GAB2: variants seen among roughly 807,000 people sequenced by gnomAD.
The protein encoded by GAB2 is GRB2-associated-binding protein 2.
GAB2 carries 26 observed loss-of-function variants against 65.5 expected under a neutral mutation model. The observed-to-expected ratio is 0.40, with a 90% CI of 0.29 to 0.55. The LOEUF (loss-of-function observed/expected upper bound fraction) is 0.55, where lower values mean the gene tolerates loss of function less well. GAB2 is among the 20% of genes least tolerant of loss of function. The pLI is 0.53. For synonymous variants in GAB2, 321 were observed against 329.6 expected (o/e 0.97, Z 0.28); for missense variants, 884 against 875.8 (o/e 1.01, Z -0.12).
intron 3 of GAB2, among the ~76,000 whole-genome samples, chr11:78,239,195 C>G (rs981979817): frequency 6.6e-6 from 1 of 151,916 alleles, no homozygotes; most frequent in Non-Finnish European, 1.5e-5. Context: ...GAATAAACAA[C>G]TACATTTTAA....
At chr11:78,271,998 T>C (rs930757566) in intron 2 of GAB2, among the ~76,000 whole-genome samples, 6 of 152,268 alleles carry the variant, frequency 3.9e-5, no homozygotes, top group African/African-American at 1.4e-4. Flanking sequence ...TCTCTTGGCC[T>C]GCTGCCATCC....
intron 3 of GAB2, 115 bp from the exon 4 acceptor site, chr11:78,227,166 C>G (rs928185935): frequency 2.9e-6 from 2 of 678,712 alleles, no homozygotes; most frequent in Non-Finnish European, 5.2e-6. Flanking sequence ...AAAATGGTGA[C>G]TAAAAGCATA....
chr11:78,315,868 G>T lies in GAB2; in HGVS notation c.76-34967C>A, dbSNP rs146596849. 2.2e-3 allele frequency among the ~76,000 whole-genome samples: 331 copies of T among 152,308 alleles called. 1 individual carries two copies. Among genetic ancestry groups the T allele is most frequent in the African/African-American group, 7.4e-3 (306 of 41,568 alleles). ...ACTGTTTCTGGGTTTATCTGTGAAG[G>T]TGCTGCCAGAGGAGGTTGACATTTG... On this transcript the variant is annotated intron_variant, in intron 1 of 9. Coordinates refer to ENST00000361507, the MANE Select transcript of GAB2 (RefSeq NM_080491.3).
intron 1 of GAB2, among the ~76,000 whole-genome samples, chr11:78,295,375 G>A (rs1866797957): frequency 6.6e-6 from 1 of 151,866 alleles, no homozygotes; most frequent in African/African-American, 2.4e-5. Flanking sequence ...GTAACTCAGG[G>A]GTCCTTTACA....
At chr11:78,370,188 C>T (rs1236182880) in intron 1 of GAB2, among the ~76,000 whole-genome samples, 6 of 143,936 alleles carry the variant, frequency 4.2e-5, no homozygotes, top group Admixed American at 7.2e-5. Context: ...ACCCGGGAGG[C>T]GGAGCTTGCA....
At chr11:78,275,369 G>T (rs1055203558) in intron 2 of GAB2, among the ~76,000 whole-genome samples, 4 of 151,970 alleles carry the variant, frequency 2.6e-5, no homozygotes, top group African/African-American at 9.7e-5. Flanking sequence ...AATGAAATAG[G>T]CTACTAAGCA....
chr11:78,333,075 C>A (rs1212720738), intron 1 of GAB2, among the ~76,000 whole-genome samples: 2 of 152,188 alleles, frequency 1.3e-5, no homozygotes, highest in Admixed American at 6.5e-5. Context: ...TGTTTCAGAG[C>A]CTGCCTGGGA....
At chr11:78,300,760 C>T (rs1156891899) in intron 1 of GAB2, among the ~76,000 whole-genome samples, 1 of 141,470 alleles carries the variant, frequency 7.1e-6, no homozygotes, top group Non-Finnish European at 1.5e-5. Flanking sequence ...GGTGGCATGA[C>T]CTCGGCTCAC....
chr11:78,244,858 G>A (rs908948034), intron 3 of GAB2, among the ~76,000 whole-genome samples: 2 of 152,028 alleles, frequency 1.3e-5, no homozygotes, highest in African/African-American at 4.8e-5. Context: ...TAGTACAGTC[G>A]TTATGGAAAA....
intron 1 of GAB2, among the ~76,000 whole-genome samples, chr11:78,294,902 A>C (rs568230001): frequency 6.6e-6 from 1 of 152,328 alleles, no homozygotes; most frequent in African/African-American, 2.4e-5. Context: ...ATCTAATTAA[A>C]CTAAAGAGCT....
At chr11:78,301,330 G>GGTTT (rs1554985706) in intron 1 of GAB2, among the ~76,000 whole-genome samples, 10 of 145,726 alleles carry the variant, frequency 6.9e-5, no homozygotes, top group African/African-American at 2.6e-4. Context: ...GTATCTTGTG[G>GGTTT]TTTTTTGTTT....
chr11:78,276,747 T>C (rs1360877983), intron 2 of GAB2, among the ~76,000 whole-genome samples: 1 of 152,270 alleles, frequency 6.6e-6, no homozygotes, highest in Admixed American at 6.5e-5. Context: ...ATTTTCATTG[T>C]ACTGAAGTCC....
At chr11:78,278,966 G>C (rs1317298742) in intron 2 of GAB2, among the ~76,000 whole-genome samples, 1 of 149,176 alleles carries the variant, frequency 6.7e-6, no homozygotes, top group East Asian at 2.0e-4. Context: ...TGCTGCCCCA[G>C]CTGGGGCCCC....
intron 1 of GAB2, among the ~76,000 whole-genome samples, chr11:78,346,664 A>G (rs1856184391): frequency 8.2e-6 from 1 of 121,942 alleles, no homozygotes; most frequent in Non-Finnish European, 1.7e-5. Flanking sequence ...TGTTCTGTTT[A>G]CATCCCCTCC....
chr11:78,257,793 T>G (rs1246910832), intron 2 of GAB2, among the ~76,000 whole-genome samples: 2 of 151,930 alleles, frequency 1.3e-5, no homozygotes, highest in Non-Finnish European at 1.5e-5. Context: ...GTCTACCCTG[T>G]GAGGTACATA....
chr11:78,278,049 T>G (rs1444179802), intron 2 of GAB2, among the ~76,000 whole-genome samples: 1 of 151,614 alleles, frequency 6.6e-6, no homozygotes, highest in Non-Finnish European at 1.5e-5. Flanking sequence ...GGTGTGTTTG[T>G]GAAGTTTTTC....
At chr11:78,285,197 G>A (rs1866444135) in intron 1 of GAB2, among the ~76,000 whole-genome samples, 2 of 152,174 alleles carry the variant, frequency 1.3e-5, no homozygotes, top group South Asian at 4.1e-4. Flanking sequence ...CAGTTGATGT[G>A]TCCCCGTTAG....
chr11:78,268,673 G>A (rs1392983859), intron 2 of GAB2, among the ~76,000 whole-genome samples: 1 of 151,628 alleles, frequency 6.6e-6, no homozygotes, highest in Non-Finnish European at 1.5e-5. Context: ...TTGGGTTTTG[G>A]CAGGTAACAC....
chr11:78,280,906 A>G lies in GAB2; in HGVS notation c.76-5T>C. The G allele has an allele frequency of 1.9e-6, 3 of 1,611,372 alleles. No homozygotes were observed. The highest frequency in any genetic ancestry group is 2.5e-6 in the Non-Finnish European group (3 of 1,177,742). On this transcript the variant is annotated splice_region_variant and splice_polypyrimidine_tract_variant and intron_variant, in intron 1 of 9. Transcript: ENST00000361507. ...AAACCAGCGTTTCTTCCAGGCCTAA[A>G]TCATATCAGGAAGGAGTAAGAAGAG... is the stretch of plus-strand genomic sequence containing the variant.
Sources: gnomAD v4.1 joint callset for allele counts (sites outside exome capture counted in the v4.1 genomes callset) on GRCh38, gnomAD v4.1.1 for gene constraint, MANE v1.5 for transcripts, NCBI Gene and HGNC (gene_info 2026-07-23, HGNC 2026-07-21) for gene names.